BARX2: variants seen among roughly 807,000 people sequenced by gnomAD.
BARX2 encodes BARX homeobox 2.
Under a neutral mutation model 25.5 loss-of-function variants are expected in BARX2, and 11 were observed. The ratio of observed to expected loss-of-function variants is 0.43; its 90% CI spans 0.27 to 0.71. The LOEUF (loss-of-function observed/expected upper bound fraction) is 0.71. Among genes scored for constraint, BARX2 ranks in the 30% least tolerant of loss-of-function variants. BARX2 has a pLI of 0.19. For missense variants in BARX2, 360 were observed against 359.9 expected (o/e 1.00, Z 0.00); for synonymous variants, 137 against 149.5 (o/e 0.92, Z 0.61).
At chr11:129,433,003 C>T (rs981918838) in intron 1 of BARX2, among the ~76,000 whole-genome samples, 4 of 152,140 alleles carry the variant, frequency 2.6e-5, no homozygotes, top group Non-Finnish European at 4.4e-5. Flanking sequence ...TGATCTCATG[C>T]AATCCCATGG....
In BARX2 at chr11:129,440,779, A is replaced by C. The variant is rs1051018689; in HGVS notation, c.489-2056A>C. Among the ~76,000 whole-genome samples, 12 of 152,250 alleles carry C rather than the reference A, an allele frequency of 7.9e-5. No individual in the cohort carries two copies. The East Asian group carries it at 9.7e-4, about 12-fold the overall frequency. ...GCCGGTCCCTGTGGGCCTCCCTGAT[A>C]GTTAGATCTCCCCAGGTGGAGAGCT... On this transcript the variant is annotated intron_variant, in intron 2 of 3. Transcript: ENST00000281437.
At chr11:129,383,699 G>T (rs11221697) in intron 1 of BARX2, among the ~76,000 whole-genome samples, 1 of 152,086 alleles carries the variant, frequency 6.6e-6, no homozygotes, top group African/African-American at 2.4e-5. Context: ...GTCAAAAGAC[G>T]ACTGAAGAGA....
chr11:129,412,405 G>A (rs7948128), intron 1 of BARX2, among the ~76,000 whole-genome samples: 59,407 of 152,120 alleles, frequency 0.39, 15,139 homozygotes, highest in African/African-American at 0.72. Context: ...CTAAGCCTGG[G>A]AGGGTTCTCG....
intron 1 of BARX2, among the ~76,000 whole-genome samples, chr11:129,425,215 A>G (rs1157875355): frequency 6.6e-6 from 1 of 152,200 alleles, no homozygotes; most frequent in Non-Finnish European, 1.5e-5. Context: ...GGAGTTTCAA[A>G]TTTTTTTCCT....
At chr11:129,408,435 C>T (rs568490404) in intron 1 of BARX2, among the ~76,000 whole-genome samples, 3 of 152,244 alleles carry the variant, frequency 2.0e-5, no homozygotes, top group African/African-American at 7.2e-5. Context: ...AGAAGATAGC[C>T]ATTAATCAAC....
chr11:129,397,427 TA>T (rs1309784063), intron 1 of BARX2, among the ~76,000 whole-genome samples: 15 of 152,198 alleles, frequency 9.9e-5, no homozygotes, highest in African/African-American at 3.6e-4. Context: ...ATTATTTTTA[TA>T]AAAAATTGGA....
chr11:129,377,982 T>C (rs1433665176), intron 1 of BARX2, among the ~76,000 whole-genome samples: 1 of 152,216 alleles, frequency 6.6e-6, no homozygotes, highest in African/African-American at 2.4e-5. Flanking sequence ...AAGTGTCGTG[T>C]TTTATTGAAC....
rs573963150 is a variant in BARX2, at chr11:129,376,278, G to C, written c.187+56G>C. On this transcript the variant is annotated intron_variant, in intron 1 of 3. Transcript: ENST00000281437. The surrounding 1 kb of genome is among the most constrained non-coding windows in gnomAD (Gnocchi z 4.2). The stretch of plus-strand genomic sequence containing the variant: ...TTCGGTAGCTTTCACGTCCGTGTAG[G>C]TGGCCTGTGCTTTGCGATCCGAGGG... 3 of 1,500,376 alleles carry C rather than the reference G, an allele frequency of 2.0e-6. No homozygotes were observed. The Admixed American group carries it at 5.8e-5, about 29-fold the overall frequency. The allele number at this position is 1,500,376 out of a possible 1,614,324, so 92.9% of individuals were successfully genotyped here.
chr11:129,389,827 T>A (rs1353110), intron 1 of BARX2, among the ~76,000 whole-genome samples: 129,686 of 152,040 alleles, frequency 0.85, 55,413 homozygotes, highest in East Asian at 0.98. Flanking sequence ...GCATGGAAAA[T>A]GGTAGCAGTA....
chr11:129,432,281 C>T (rs758456796), intron 1 of BARX2, among the ~76,000 whole-genome samples: 1 of 152,082 alleles, frequency 6.6e-6, no homozygotes, highest in Non-Finnish European at 1.5e-5. Flanking sequence ...AGGCTTGTCT[C>T]GAACTCCTGA....
intron 1 of BARX2, among the ~76,000 whole-genome samples, chr11:129,421,770 A>T (rs1862006907): frequency 6.6e-6 from 1 of 152,140 alleles, no homozygotes; most frequent in Admixed American, 6.5e-5. Context: ...TGTGGAACCA[A>T]TTCCAACATC....
chr11:129,427,060 G>A (rs1862071920), intron 1 of BARX2, among the ~76,000 whole-genome samples: 1 of 152,176 alleles, frequency 6.6e-6, no homozygotes, highest in Non-Finnish European at 1.5e-5. Flanking sequence ...TGCTTCACAA[G>A]TAGGTGTGCT....
At chr11:129,408,892 A>T (rs1253584294) in intron 1 of BARX2, among the ~76,000 whole-genome samples, 1 of 152,192 alleles carries the variant, frequency 6.6e-6, no homozygotes, top group Non-Finnish European at 1.5e-5. Context: ...ATTTTTGACT[A>T]TTTATTACAT....
In BARX2 at chr11:129,376,143, C is replaced by G. The variant is rs746123681; in HGVS notation, c.108C>G (p.Cys36Trp). The stretch of plus-strand genomic sequence containing the variant: ...ACGAGATCCTCTCCAAGGAGACCTG[C>G]GATTACTTTGAGAAACTTTCCCTCT... Reference protein sequence around the residue: ...MIDEILSKETCDYFEKLSLYS... With the variant: ...MIDEILSKETWDYFEKLSLYS... The change falls in exon 1 of 4, where the codon TGC becomes TGG. Residue 36 changes from cysteine to tryptophan, a missense_variant. Coordinates refer to ENST00000281437, the MANE Select transcript of BARX2 (RefSeq NM_003658.5). This position sits in a 1 kb window ranked among gnomAD's most constrained non-coding sequence, Gnocchi z 4.2. 1 of 1,613,680 alleles carries G rather than the reference C, an allele frequency of 6.2e-7. No homozygotes were observed. The highest frequency in any genetic ancestry group is 8.5e-7 in the Non-Finnish European group (1 of 1,179,796).
chr11:129,427,213 A>G (rs1862073894), intron 1 of BARX2, among the ~76,000 whole-genome samples: 1 of 152,334 alleles, frequency 6.6e-6, no homozygotes, highest in Middle Eastern at 3.4e-3. Flanking sequence ...ACGATAATCC[A>G]GGAGGGAGAA....
chr11:129,406,478 C>CTGT (rs1861831721), intron 1 of BARX2, among the ~76,000 whole-genome samples: 1 of 152,228 alleles, frequency 6.6e-6, no homozygotes, highest in Non-Finnish European at 1.5e-5. Context: ...GAATAAGGCA[C>CTGT]AGTTCCAGCT....
At chr11:129,442,177 A>C (rs2307127) in intron 2 of BARX2, among the ~76,000 whole-genome samples, 60,773 of 152,118 alleles carry the variant, frequency 0.4, 12,855 homozygotes, top group East Asian at 0.55. Context: ...TCCATTAAGA[A>C]GTATTTTTTG....
intron 2 of BARX2, among the ~76,000 whole-genome samples, chr11:129,438,553 CTT>C (rs1297626081): frequency 6.6e-6 from 1 of 152,154 alleles, no homozygotes; most frequent in Non-Finnish European, 1.5e-5. Context: ...TGTAGTAGCT[CTT>C]TGATACAAAT....
At chr11:129,412,839 G>A (rs1296185734) in intron 1 of BARX2, among the ~76,000 whole-genome samples, 1 of 152,160 alleles carries the variant, frequency 6.6e-6, no homozygotes, top group Non-Finnish European at 1.5e-5. Context: ...TTAATTGAGT[G>A]CCAATGATGT....
Sources: allele counts gnomAD v4.1 joint callset (sites outside exome capture counted in the v4.1 genomes callset), GRCh38; gene constraint gnomAD v4.1.1; non-coding constraint Gnocchi (gnomAD v3.1); transcripts MANE v1.5; gene names NCBI Gene and HGNC (gene_info 2026-07-23, HGNC 2026-07-21).